QTMAN: variants seen among roughly 807,000 people sequenced by gnomAD.
QTMAN encodes the protein queuosine-tRNA mannosyltransferase, also known as tRNA-queuosine alpha-mannosyltransferase.
chr2:143,958,355 G>C, the QTMAN span, among the ~76,000 whole-genome samples: 1 of 152,056 alleles, frequency 6.6e-6, no homozygotes, highest in African/African-American at 2.4e-5. Context: ...GTTAAGAAGA[G>C]CTTGGTCCTG....
chr2:144,197,026 TCA>T, the QTMAN span, among the ~76,000 whole-genome samples: 1 of 152,148 alleles, frequency 6.6e-6, no homozygotes, highest in Non-Finnish European at 1.5e-5. Context: ...TGTGTGAGCA[TCA>T]CAGAGTGTAC....
the QTMAN span, among the ~76,000 whole-genome samples, chr2:143,984,681 ACC>A: frequency 8.5e-5 from 13 of 152,212 alleles, no homozygotes; most frequent in African/African-American, 2.6e-4. Flanking sequence ...AGAACCCCAG[ACC>A]CTAAACTCAG....
the QTMAN span, among the ~76,000 whole-genome samples, chr2:144,114,048 C>G: frequency 6.6e-6 from 1 of 152,128 alleles, no homozygotes; most frequent in Admixed American, 6.5e-5. Context: ...ACATCCCAGA[C>G]TTAGAAAATA....
the QTMAN span, among the ~76,000 whole-genome samples, chr2:144,203,610 G>T: frequency 6.6e-6 from 1 of 152,158 alleles, no homozygotes; most frequent in Non-Finnish European, 1.5e-5. Context: ...GACTTCTGAA[G>T]ATTAAGAGAA....
the QTMAN span, chr2:143,952,854 T>G: frequency 6.4e-7 from 1 of 1,554,170 alleles, no homozygotes; most frequent in South Asian, 1.1e-5. Flanking sequence ...CTAGAAAAAT[T>G]TTAGAAAGAG....
the QTMAN span, among the ~76,000 whole-genome samples, chr2:144,201,468 A>G: frequency 1.3e-5 from 2 of 152,198 alleles, no homozygotes; most frequent in African/African-American, 2.4e-5. Flanking sequence ...CCCTGTGCAT[A>G]CTCTGGATTT....
the QTMAN span, among the ~76,000 whole-genome samples, chr2:144,032,672 G>A: frequency 6.6e-6 from 1 of 152,204 alleles, no homozygotes; most frequent in Non-Finnish European, 1.5e-5. Context: ...TACATAAAGT[G>A]GTGGTGGGGG....
At chr2:144,121,881 A>T in the QTMAN span, among the ~76,000 whole-genome samples, 2 of 151,934 alleles carry the variant, frequency 1.3e-5, no homozygotes, top group African/African-American at 2.4e-5. Context: ...CTTCACCTTT[A>T]AAAAAAAGAT....
At chr2:143,963,685 T>C in the QTMAN span, 42 of 152,282 alleles carry the variant, frequency 2.8e-4, no homozygotes, top group African/African-American at 8.7e-4. Flanking sequence ...ATTGGAGTCT[T>C]GTTAAATTCA....
chr2:144,214,831 G>A, the QTMAN span, among the ~76,000 whole-genome samples: 2 of 152,116 alleles, frequency 1.3e-5, no homozygotes, highest in African/African-American at 2.4e-5. Flanking sequence ...GAATTGCAAT[G>A]ATCTTTTAAA....
At chr2:144,155,827 A>C in the QTMAN span, among the ~76,000 whole-genome samples, 2 of 152,122 alleles carry the variant, frequency 1.3e-5, no homozygotes. Flanking sequence ...TTATGACACT[A>C]TAATAATTAA....
chr2:144,140,207 T>C, the QTMAN span, among the ~76,000 whole-genome samples: 9 of 152,166 alleles, frequency 5.9e-5, no homozygotes, highest in African/African-American at 2.2e-4. Context: ...TCTTAACCTT[T>C]TTCTATTTAG....
At chr2:144,133,141 ATATAT>A in the QTMAN span, among the ~76,000 whole-genome samples, 1 of 48,812 alleles carries the variant, frequency 2.0e-5, no homozygotes. Flanking sequence ...ATATATATAT[ATATAT>A]ATATAATATA....
chr2:144,229,807 A>T, the QTMAN span, among the ~76,000 whole-genome samples: 1 of 152,186 alleles, frequency 6.6e-6, no homozygotes, highest in Non-Finnish European at 1.5e-5. Flanking sequence ...TAAGTCAAAA[A>T]ATCCACATAT....
At chr2:144,311,825 A>G in the QTMAN span, among the ~76,000 whole-genome samples, 1 of 152,200 alleles carries the variant, frequency 6.6e-6, no homozygotes, top group Non-Finnish European at 1.5e-5. Flanking sequence ...AACTTCAGCT[A>G]TTTACACTAA....
At chr2:144,147,565 CCTT>C in the QTMAN span, among the ~76,000 whole-genome samples, 6 of 151,822 alleles carry the variant, frequency 4.0e-5, no homozygotes, top group Non-Finnish European at 7.4e-5. Flanking sequence ...ATCCTCCTCT[CCTT>C]CTATTCTTTC....
chr2:144,031,788 C>T, the QTMAN span, among the ~76,000 whole-genome samples: 16 of 152,052 alleles, frequency 1.1e-4, no homozygotes, highest in Non-Finnish European at 1.3e-4. Flanking sequence ...GACAGAATCT[C>T]ACTCTGTCAC....
At chr2:144,156,831 G>T in the QTMAN span, among the ~76,000 whole-genome samples, 5 of 151,906 alleles carry the variant, frequency 3.3e-5, no homozygotes, top group Non-Finnish European at 5.9e-5. Flanking sequence ...ACTTTTCTGG[G>T]TCTCACCTAG....
the QTMAN span, among the ~76,000 whole-genome samples, chr2:144,292,083 T>G: frequency 5.3e-5 from 8 of 152,228 alleles, no homozygotes; most frequent in African/African-American, 1.9e-4. Flanking sequence ...AAATGAGTAC[T>G]GTAATATCTA....
Sources: gnomAD v4.1 joint callset for allele counts (sites outside exome capture counted in the v4.1 genomes callset) on GRCh38, gnomAD v4.1.1 for gene constraint, MANE v1.5 for transcripts, NCBI Gene and HGNC (gene_info 2026-07-23, HGNC 2026-07-21) for gene names.